The following KIF16B variants were observed in gnomAD, a reference collection of about 807,000 sequenced individuals.
KIF16B encodes the protein kinesin family member 16B.
A neutral mutation model predicts 156.3 loss-of-function variants in KIF16B; 98 were observed. The ratio of observed to expected loss-of-function variants is 0.63; its 90% CI spans 0.53 to 0.74. The LOEUF is 0.74. Among genes scored for constraint, KIF16B ranks in the 30% least tolerant of loss-of-function variants. The pLI is 0.00. For missense variants in KIF16B, 1,421 were observed against 1,606.5 expected, an observed-to-expected ratio of 0.88 and a Z score of 1.97; for synonymous variants, 564 against 583.7, an observed-to-expected ratio of 0.97 and a Z score of 0.49.
At chr20:16,354,606 G>A (rs773058566) in intron 23 of KIF16B, among the ~76,000 whole-genome samples, 2 of 152,138 alleles carry the variant, frequency 1.3e-5, no homozygotes, top group African/African-American at 2.4e-5. Context: ...AGGACATAGC[G>A]TAACATTTAA....
intron 25 of KIF16B, among the ~76,000 whole-genome samples, chr20:16,309,177 A>G (rs2063583425): frequency 6.6e-6 from 1 of 152,250 alleles, no homozygotes; most frequent in Admixed American, 6.5e-5. Flanking sequence ...TGAGATGTAA[A>G]GCAATTATTA....
intron 3 of KIF16B, among the ~76,000 whole-genome samples, chr20:16,525,199 C>G (rs1211915080): frequency 1.3e-5 from 2 of 152,056 alleles, no homozygotes; most frequent in African/African-American, 2.4e-5. Flanking sequence ...AAGAAAGAAA[C>G]AAGCACTTTT....
chr20:16,352,310 A>C (rs1042676816), intron 23 of KIF16B, among the ~76,000 whole-genome samples: 4 of 152,382 alleles, frequency 2.6e-5, no homozygotes, highest in South Asian at 2.1e-4. Flanking sequence ...GAGATCAAAC[A>C]ACAAAAACCT....
At chr20:16,337,355 G>A (rs1224729434) in intron 23 of KIF16B, among the ~76,000 whole-genome samples, 4 of 152,184 alleles carry the variant, frequency 2.6e-5, no homozygotes, top group African/African-American at 9.7e-5. Context: ...GGAGGAGTGA[G>A]TCTGAGTCCC....
intron 18 of KIF16B, 119 bp downstream of exon 18, chr20:16,381,575 G>T: frequency 8.9e-6 from 5 of 563,852 alleles, no homozygotes; most frequent in Non-Finnish European, 8.6e-6. Context: ...GTAAATAACA[G>T]ATAACAGACA....
At chr20:16,459,582 AAGGCCATGTGG>A (rs1031507920) in intron 12 of KIF16B, among the ~76,000 whole-genome samples, 3 of 152,304 alleles carry the variant, frequency 2.0e-5, no homozygotes, top group Admixed American at 2.0e-4. Context: ...GGGGCCTCTG[AAGGCCATGTGG>A]AGGCTGCTTT....
At chr20:16,362,731 A>T (rs1187481245) in intron 22 of KIF16B, among the ~76,000 whole-genome samples, 1 of 152,212 alleles carries the variant, frequency 6.6e-6, no homozygotes, top group Non-Finnish European at 1.5e-5. Flanking sequence ...TCTGAAATGG[A>T]GTTCCACGTG....
At chr20:16,367,837 A>C in intron 22 of KIF16B, 1 of 1,606,858 alleles carries the variant, frequency 6.2e-7, no homozygotes, top group Non-Finnish European at 8.5e-7. Context: ...CTGTTGAGAG[A>C]GGTATTTGTT....
Position 16,510,726 on chromosome 20 carries a change from CA to C in KIF16B, c.556+691del, listed in dbSNP as rs1191238859. ...CCCAGGAAAAGAAGACAACCAAAAC[CA>C]GGAAGAACTTTAAACCTGTGACCAG... On this transcript the variant is annotated intron_variant, in intron 6 of 25. Coordinates refer to ENST00000354981, the MANE Select transcript of KIF16B (RefSeq NM_024704.5). 6.6e-5 allele frequency among the ~76,000 whole-genome samples: 10 copies of C among 152,266 alleles called. No homozygotes were observed. In the East Asian group the frequency reaches 1.7e-3, roughly 26 times the overall value.
intron 12 of KIF16B, among the ~76,000 whole-genome samples, chr20:16,450,859 T>C (rs371200638): frequency 1.3e-5 from 2 of 152,338 alleles, no homozygotes; most frequent in Admixed American, 1.3e-4. Context: ...GACTTGAATG[T>C]GCCACTCTTT....
chr20:16,438,484 G>A (rs2066707919), intron 12 of KIF16B, among the ~76,000 whole-genome samples: 1 of 152,138 alleles, frequency 6.6e-6, no homozygotes, highest in Non-Finnish European at 1.5e-5. Context: ...GGGAAAAACA[G>A]TGTATATAGG....
chr20:16,526,421 T>C (rs1220980962), intron 2 of KIF16B, among the ~76,000 whole-genome samples: 2 of 152,214 alleles, frequency 1.3e-5, no homozygotes, highest in Admixed American at 6.5e-5. Flanking sequence ...TTTCTTTTTA[T>C]CACTATTAAC....
chr20:16,390,042 G>T (rs989329591), intron 17 of KIF16B, among the ~76,000 whole-genome samples: 1 of 152,128 alleles, frequency 6.6e-6, no homozygotes, highest in Non-Finnish European at 1.5e-5. Context: ...ATCAAGATGG[G>T]GGTGGGATAC....
At chr20:16,475,364 ACAGCCAG>A (rs2067780742) in intron 12 of KIF16B, among the ~76,000 whole-genome samples, 1 of 152,172 alleles carries the variant, frequency 6.6e-6, no homozygotes, top group African/African-American at 2.4e-5. Context: ...CCAAGGTCAT[ACAGCCAG>A]CAACCAGCAG....
intron 12 of KIF16B, among the ~76,000 whole-genome samples, chr20:16,491,119 G>A (rs929785098): frequency 9.2e-5 from 14 of 152,186 alleles, no homozygotes; most frequent in South Asian, 2.1e-4. Context: ...CGGGGGAGGC[G>A]GGCTTCAAGA....
Position 16,335,856 on chromosome 20 carries a change from C to A in KIF16B, c.3711+70G>T, listed in dbSNP as rs1481644590. 12 of 924,944 alleles carry A rather than the reference C, an allele frequency of 1.3e-5. No homozygotes were observed. The South Asian group carries it at 1.7e-4, about 13-fold the overall frequency. The allele number at this position is 924,944 out of a possible 1,614,324, so 57.3% of individuals were successfully genotyped here. A position where few individuals can be genotyped will look rare whatever the true frequency, so the allele number is the denominator to read the frequency against. On this transcript the variant is annotated intron_variant, in intron 24 of 25. Coordinates refer to ENST00000354981, the MANE Select transcript of KIF16B (RefSeq NM_024704.5). Reference sequence around the variant, plus strand: ...AGAGACAGAGAGAGAGATAACATTGCTAATGCAATCAGCTCATTTACTTTA... The same window carrying A: ...AGAGACAGAGAGAGAGATAACATTGATAATGCAATCAGCTCATTTACTTTA...
chr20:16,539,743 A>C (rs1008460377), intron 1 of KIF16B, among the ~76,000 whole-genome samples: 1 of 152,206 alleles, frequency 6.6e-6, no homozygotes, highest in Non-Finnish European at 1.5e-5. Flanking sequence ...TCTTTATTGC[A>C]ATGGAAGAAC....
intron 12 of KIF16B, among the ~76,000 whole-genome samples, chr20:16,432,518 A>G (rs1301027344): frequency 6.6e-6 from 1 of 152,150 alleles, no homozygotes; most frequent in Admixed American, 6.5e-5. Context: ...AAAACAACCT[A>G]CGAAGTCTAC....
In KIF16B at chr20:16,573,324, G is replaced by C; in HGVS notation, c.-49C>G. 2 of 1,595,736 alleles carry C rather than the reference G, an allele frequency of 1.3e-6. No homozygotes were observed. The highest frequency in any genetic ancestry group is 1.7e-6 in the Non-Finnish European group (2 of 1,169,822). ...CGGGGTCCCACTAGCCCAGAACTCC[G>C]CGGTCGCCGGCGACGCTGGCTACTC... On this transcript the variant is annotated 5_prime_UTR_variant, in exon 1 of 26. Transcript: ENST00000354981.
Sources: allele counts gnomAD v4.1 joint callset (sites outside exome capture counted in the v4.1 genomes callset), GRCh38; gene constraint gnomAD v4.1.1; transcripts MANE v1.5; gene names NCBI Gene and HGNC (gene_info 2026-07-23, HGNC 2026-07-21).